UTRN: variants seen among roughly 807,000 people sequenced by gnomAD.
UTRN encodes utrophin.
Under a neutral mutation model 463.9 loss-of-function variants are expected in UTRN, and 283 were observed. The ratio of observed to expected loss-of-function variants is 0.61; its 90% CI spans 0.55 to 0.67. UTRN has a LOEUF of 0.67. Among genes scored for constraint, UTRN ranks in the 30% least tolerant of loss-of-function variants. The pLI is 0.00. For synonymous variants in UTRN, 1,442 were observed against 1,431.5 expected (o/e 1.01, Z -0.17); for missense variants, 3,922 against 4,084.3 (o/e 0.96, Z 1.08).
At chr6:144,579,519 A>T (rs925242748) in intron 51 of UTRN, among the ~76,000 whole-genome samples, 1 of 152,200 alleles carries the variant, frequency 6.6e-6, no homozygotes, top group Non-Finnish European at 1.5e-5. Flanking sequence ...GAGTTTAATG[A>T]TGTCTTCTGA....
chr6:144,719,109 C>G (rs760475893), intron 53 of UTRN, among the ~76,000 whole-genome samples: 11 of 152,210 alleles, frequency 7.2e-5, no homozygotes, highest in Admixed American at 2.0e-4. Flanking sequence ...TTCCACAGAC[C>G]TACTTTGTAT....
In UTRN at chr6:144,730,500, C is replaced by G. The variant is rs1788403218; in HGVS notation, c.7939+14C>G. ...AATCAAAAACAGGTGAGACTGGTTTCTCCACTACATCATAAAAACACATGC... is the reference window on the plus strand; with the variant it reads ...AATCAAAAACAGGTGAGACTGGTTTGTCCACTACATCATAAAAACACATGC... On this transcript the variant is annotated intron_variant, in intron 54 of 74. Coordinates refer to ENST00000367545, the MANE Select transcript of UTRN (RefSeq NM_007124.3). The G allele has an allele frequency of 1.3e-6, 2 of 1,596,524 alleles. No homozygotes were observed. The highest frequency in any genetic ancestry group is 1.4e-5 in the African/African-American group (1 of 73,848).
chr6:144,440,513 G>T, intron 13 of UTRN, 42 bp downstream of exon 13: 14 of 1,612,630 alleles, frequency 8.7e-6, no homozygotes, highest in Non-Finnish European at 1.2e-5. Context: ...GGGACCTGTG[G>T]TCTGAGACCC....
intron 64 of UTRN, among the ~76,000 whole-genome samples, chr6:144,802,004 A>C (rs1399321291): frequency 9.2e-5 from 14 of 152,206 alleles, no homozygotes; most frequent in Non-Finnish European, 5.9e-5. Flanking sequence ...TCAGCAAGAG[A>C]GGCTAAGAAA....
chr6:144,699,423 G>A (rs1459992669), intron 52 of UTRN, among the ~76,000 whole-genome samples: 1 of 134,478 alleles, frequency 7.4e-6, no homozygotes. Context: ...CTGGGTGACA[G>A]AGCAATACTC....
chr6:144,591,826 A>T (rs1383708167), intron 51 of UTRN, among the ~76,000 whole-genome samples: 1 of 152,168 alleles, frequency 6.6e-6, no homozygotes, highest in African/African-American at 2.4e-5. Flanking sequence ...TTGGCTCAAA[A>T]ATTTTATAAA....
At chr6:144,778,792 A>T (rs1052476456) in intron 60 of UTRN, among the ~76,000 whole-genome samples, 46 of 147,618 alleles carry the variant, frequency 3.1e-4, no homozygotes, top group African/African-American at 1.1e-3. Context: ...TTAAAGAAAA[A>T]GTCAGAAAGT....
chr6:144,521,947 ATATATATAT>A, intron 39 of UTRN, 24 bp from the exon 40 acceptor site: 3 of 1,188,046 alleles, frequency 2.5e-6, no homozygotes, highest in Non-Finnish European at 3.3e-6. Flanking sequence ...ATATATATAT[ATATATATAT>A]TTTTTTTTTT....
At chr6:144,719,533 C>T (rs530383232) in intron 53 of UTRN, among the ~76,000 whole-genome samples, 33 of 152,242 alleles carry the variant, frequency 2.2e-4, no homozygotes, top group East Asian at 5.8e-4. Flanking sequence ...GCCGAAATGG[C>T]GCCATTGCAC....
At chr6:144,772,022 T>TTG in intron 59 of UTRN, 54 bp downstream of exon 59, 4 of 624,816 alleles carry the variant, frequency 6.4e-6, no homozygotes, top group Non-Finnish European at 5.9e-6. Context: ...ACCGGTTTTT[T>TTG]TTTTTTTTTT....
At chr6:144,747,281 G>A (rs2128721998) in intron 54 of UTRN, among the ~76,000 whole-genome samples, 1 of 152,288 alleles carries the variant, frequency 6.6e-6, no homozygotes, top group African/African-American at 2.4e-5. Context: ...ATTTGCAGTG[G>A]ACAGTTGGAT....
At chr6:144,560,137 G>A (rs1450566020) in intron 50 of UTRN, among the ~76,000 whole-genome samples, 1 of 152,140 alleles carries the variant, frequency 6.6e-6, no homozygotes, top group East Asian at 1.9e-4. Flanking sequence ...TCAGTCCTAT[G>A]TTAATGAATA....
intron 51 of UTRN, among the ~76,000 whole-genome samples, chr6:144,589,025 G>T (rs1802747227): frequency 6.6e-6 from 1 of 152,110 alleles, no homozygotes; most frequent in African/African-American, 2.4e-5. Context: ...ACTCTAAAAA[G>T]ATTAATTTAT....
chr6:144,781,588 G>C (rs1775834438), intron 60 of UTRN, among the ~76,000 whole-genome samples: 1 of 152,130 alleles, frequency 6.6e-6, no homozygotes, highest in Admixed American at 6.6e-5. Flanking sequence ...AGTAGATTGA[G>C]AGATTTATGC....
At chr6:144,594,124 AGTC>A (rs150988709) in intron 51 of UTRN, among the ~76,000 whole-genome samples, 237 of 152,362 alleles carry the variant, frequency 1.6e-3, no homozygotes, top group African/African-American at 5.4e-3. Flanking sequence ...TCACAGTAGA[AGTC>A]AGTCTGTCTA....
chr6:144,402,949 A>C (rs888271205), intron 2 of UTRN, among the ~76,000 whole-genome samples, 174 bp from the exon 3 acceptor site: 1 of 152,136 alleles, frequency 6.6e-6, no homozygotes, highest in Non-Finnish European at 1.5e-5. Context: ...GTTGGGCTCC[A>C]TAAGTGTACC....
intron 25 of UTRN, among the ~76,000 whole-genome samples, chr6:144,478,683 G>A (rs1002225504): frequency 1.3e-5 from 2 of 152,160 alleles, no homozygotes; most frequent in Non-Finnish European, 2.9e-5. Context: ...TCCTGTGCTG[G>A]CCTTTGGTTA....
intron 1 of UTRN, among the ~76,000 whole-genome samples, chr6:144,289,398 T>A (rs1040140137): frequency 6.6e-6 from 1 of 152,212 alleles, no homozygotes; most frequent in Non-Finnish European, 1.5e-5. Context: ...AGACCACACT[T>A]GTTTCCTGCA....
chr6:144,420,918 A>G (rs1302621868), intron 3 of UTRN, among the ~76,000 whole-genome samples: 1 of 152,220 alleles, frequency 6.6e-6, no homozygotes, highest in African/African-American at 2.4e-5. Context: ...TCTCAGGAAC[A>G]TATGCCATAC....
Sources: gnomAD v4.1 joint callset for allele counts (sites outside exome capture counted in the v4.1 genomes callset) on GRCh38, gnomAD v4.1.1 for gene constraint, MANE v1.5 for transcripts, NCBI Gene and HGNC (gene_info 2026-07-23, HGNC 2026-07-21) for gene names.